The following OR51B5 variants were observed in gnomAD, a reference collection of about 807,000 sequenced individuals.
The protein encoded by OR51B5 is olfactory receptor 51B5.
For missense variants in OR51B5, 456 were observed against 374.6 expected (o/e 1.22, Z -1.79); for synonymous variants, 186 against 144.8 (o/e 1.28, Z -2.04).
At chr11:5,437,150 A>G (rs1368813269) in intron 1 of OR51B5, among the ~76,000 whole-genome samples, 3 of 152,100 alleles carry the variant, frequency 2.0e-5, no homozygotes, top group Non-Finnish European at 4.4e-5. Context: ...GATAAAATGA[A>G]ATTTCAACTC....
Position 5,488,704 on chromosome 11 carries a change from A to T in OR51B5, n.84+16865T>A, listed in dbSNP as rs1438947227. 2.5e-6 allele frequency: 4 copies of T among 1,604,034 alleles called. No homozygotes were observed. The South Asian group carries it at 4.4e-5, about 18-fold the overall frequency. On this transcript the variant is annotated intron_variant and non_coding_transcript_variant, in intron 1 of 4. Transcript: ENST00000415970. ...AGAAAGAGCCCTTCATTTGCCAGGA[A>T]GAATGTCAGATTCCAACCTCAGTGA...
intron 1 of OR51B5, among the ~76,000 whole-genome samples, chr11:5,484,815 CTAAA>C (rs1851477270): frequency 6.6e-6 from 1 of 152,144 alleles, no homozygotes; most frequent in Non-Finnish European, 1.5e-5. Context: ...TTGCCTCTGG[CTAAA>C]TAAACAAACA....
At chr11:5,484,461 T>C (rs1349699938) in intron 1 of OR51B5, among the ~76,000 whole-genome samples, 2 of 152,186 alleles carry the variant, frequency 1.3e-5, no homozygotes, top group Admixed American at 6.5e-5. Context: ...GAAAAGAAGA[T>C]GGTAGTGATT....
chr11:5,434,965 G>A (rs142865966), intron 1 of OR51B5, among the ~76,000 whole-genome samples: 92 of 152,254 alleles, frequency 6.0e-4, no homozygotes, highest in African/African-American at 2.2e-3. Flanking sequence ...TATTTTTCCA[G>A]GCAGAGAAAA....
Position 5,505,412 on chromosome 11 carries a change from T to C in OR51B5, n.84+157A>G, listed in dbSNP as rs1298876469. 3.1e-6 allele frequency: 4 copies of C among 1,304,240 alleles called. No individual in the cohort carries two copies. The South Asian group carries it at 3.7e-5, about 12-fold the overall frequency. The allele number at this position is 1,304,240 out of a possible 1,614,324, so 80.8% of individuals were successfully genotyped here. ...CTCTTCATTTCCCCTAGCACCACCATAAACAATAGGTTTTTCTTTAATCTG... is the reference window on the plus strand; with the variant it reads ...CTCTTCATTTCCCCTAGCACCACCACAAACAATAGGTTTTTCTTTAATCTG... On this transcript the variant is annotated intron_variant and non_coding_transcript_variant, in intron 1 of 4. Coordinates refer to the OR51B5 transcript ENST00000415970.
intron 1 of OR51B5, among the ~76,000 whole-genome samples, chr11:5,491,134 C>A (rs947413869): frequency 6.6e-6 from 1 of 152,182 alleles, no homozygotes; most frequent in African/African-American, 2.4e-5. Flanking sequence ...TAAATACTGT[C>A]TTCATTATGC....
intron 1 of OR51B5, chr11:5,352,399 C>T: frequency 6.2e-7 from 1 of 1,612,194 alleles, no homozygotes; most frequent in Non-Finnish European, 8.5e-7. Flanking sequence ...TAAGCAGATT[C>T]AGAGTGGCAT....
At chr11:5,346,299 T>G (rs537443064), upstream of OR51B5, 1 of 152,268 alleles carries the variant, frequency 6.6e-6, no homozygotes, top group South Asian at 2.1e-4. Context: ...ATGGAATCAC[T>G]CTACTTTGTT....
chr11:5,453,390 C>T (rs1439687490), intron 1 of OR51B5: 2 of 808,868 alleles, frequency 2.5e-6, no homozygotes, highest in Admixed American at 3.1e-5. Flanking sequence ...ATCGCTTTGT[C>T]TCTTATCTCC....
At chr11:5,486,458 G>GA in intron 1 of OR51B5, among the ~76,000 whole-genome samples, 1 of 146,104 alleles carries the variant, frequency 6.8e-6, no homozygotes, top group Non-Finnish European at 1.5e-5. Context: ...TGAGGAGGAG[G>GA]AGAGGGAAGA....
At chr11:5,371,489 G>A (rs967255649) in intron 1 of OR51B5, among the ~76,000 whole-genome samples, 7 of 152,014 alleles carry the variant, frequency 4.6e-5, no homozygotes, top group Middle Eastern at 3.2e-3. Flanking sequence ...AAAGAGTACT[G>A]ATATTAAAAA....
chr11:5,455,910 C>T (rs1431886937), intron 1 of OR51B5: 1 of 152,004 alleles, frequency 6.6e-6, no homozygotes, highest in East Asian at 1.9e-4. Flanking sequence ...GTTTGGATAG[C>T]ATAACTTAGT....
intron 1 of OR51B5, among the ~76,000 whole-genome samples, chr11:5,484,944 T>A (rs980612477): frequency 6.6e-6 from 1 of 152,232 alleles, no homozygotes; most frequent in African/African-American, 2.4e-5. Flanking sequence ...CTTCATAGCT[T>A]TATAGGTTTT....
intron 1 of OR51B5, among the ~76,000 whole-genome samples, chr11:5,484,361 A>T (rs1049719438): frequency 2.0e-4 from 31 of 152,318 alleles, no homozygotes; most frequent in Admixed American, 4.6e-4. Flanking sequence ...TCTGGTCCAC[A>T]CATCCTTAGA....
chr11:5,402,494 C>T, intron 1 of OR51B5: 1 of 358,106 alleles, frequency 2.8e-6, no homozygotes. Flanking sequence ...CTTTTTTCTT[C>T]CCTTCCCTCA....
At chr11:5,387,989 A>G (rs1226182543) in intron 1 of OR51B5, among the ~76,000 whole-genome samples, 1 of 152,184 alleles carries the variant, frequency 6.6e-6, no homozygotes, top group Non-Finnish European at 1.5e-5. Flanking sequence ...AGTTCTTGCC[A>G]TTGAAAGTAA....
At chr11:5,395,375 G>C (rs1044763069) in intron 1 of OR51B5, among the ~76,000 whole-genome samples, 2 of 152,158 alleles carry the variant, frequency 1.3e-5, no homozygotes, top group African/African-American at 4.8e-5. Context: ...TGTGGATAAA[G>C]GAAGTCATTG....
At chr11:5,464,453 T>G (rs528169322) in intron 1 of OR51B5, among the ~76,000 whole-genome samples, 3 of 54,770 alleles carry the variant, frequency 5.5e-5, no homozygotes, top group South Asian at 1.5e-3. Context: ...CACCCCACCA[T>G]AGTCCCCAGA....
chr11:5,398,703 C>T (rs1279271313), intron 1 of OR51B5, among the ~76,000 whole-genome samples: 1 of 106,680 alleles, frequency 9.4e-6, no homozygotes, highest in Non-Finnish European at 1.9e-5. Flanking sequence ...ATGCAGTTCT[C>T]GTGATACTGA....
Sources: gnomAD v4.1 joint callset for allele counts (sites outside exome capture counted in the v4.1 genomes callset) on GRCh38, gnomAD v4.1.1 for gene constraint, MANE v1.5 for transcripts, NCBI Gene and HGNC (gene_info 2026-07-23, HGNC 2026-07-21) for gene names.